Variants in GNA14 observed in about 807,000 individuals in gnomAD.
GNA14 encodes G protein subunit alpha 14, also known as guanine nucleotide-binding protein subunit alpha-14.
In GNA14, 50 loss-of-function variants were observed where a neutral mutation model predicts 42.0. The ratio of observed to expected loss-of-function variants is 1.19; its 90% confidence interval spans 0.95 to 1.51. The LOEUF is 1.51. Ranked by LOEUF, GNA14 falls within the 40% of genes most tolerant of loss-of-function variation. The pLI is 0.00. For synonymous variants in GNA14, 173 were observed against 163.1 expected, an observed-to-expected ratio of 1.06 and a Z score of -0.46; for missense variants, 473 against 446.2, an observed-to-expected ratio of 1.06 and a Z score of -0.54.
intron 1 of GNA14, among the ~76,000 whole-genome samples, chr9:77,579,873 AT>A (rs1368112243): frequency 6.6e-6 from 1 of 152,114 alleles, no homozygotes; most frequent in African/African-American, 2.4e-5. Flanking sequence ...TTGCTAGTTG[AT>A]TCATTTCTAT....
chr9:77,425,815 G>A (rs944198964), intron 5 of GNA14, 100 bp from the exon 6 acceptor site: 32 of 894,338 alleles, frequency 3.6e-5, no homozygotes, highest in East Asian at 2.6e-4. Flanking sequence ...TTGCCCCGCC[G>A]CAGTCTCTGG....
intron 1 of GNA14, among the ~76,000 whole-genome samples, chr9:77,547,081 A>G (rs1046115424): frequency 2.0e-5 from 3 of 152,216 alleles, no homozygotes; most frequent in Non-Finnish European, 4.4e-5. Flanking sequence ...TACAACCTCT[A>G]TCTTAAAAAA....
At chr9:77,536,760 T>G (rs1837603987) in intron 1 of GNA14, among the ~76,000 whole-genome samples, 1 of 152,244 alleles carries the variant, frequency 6.6e-6, no homozygotes, top group South Asian at 2.1e-4. Flanking sequence ...GGTCTCATTT[T>G]GATAAAGAAT....
intron 4 of GNA14, among the ~76,000 whole-genome samples, chr9:77,430,249 GA>G (rs1241668578): frequency 1.3e-5 from 2 of 152,178 alleles, no homozygotes; most frequent in Non-Finnish European, 2.9e-5. Flanking sequence ...GAGGTGCTCT[GA>G]GTTGTAAAGT....
intron 1 of GNA14, among the ~76,000 whole-genome samples, chr9:77,602,399 C>A (rs1482209787): frequency 2.0e-5 from 3 of 152,178 alleles, no homozygotes; most frequent in African/African-American, 7.2e-5. Flanking sequence ...ATGCAACTAC[C>A]AATGGGTTTC....
chr9:77,529,045 G>A lies in GNA14; in HGVS notation c.309+24C>T. 1.9e-6 allele frequency: 3 copies of A among 1,605,228 alleles called. No individual in the cohort carries two copies. The East Asian group carries it at 6.7e-5, about 36-fold the overall frequency. On this transcript the variant is annotated intron_variant, in intron 2 of 6. Coordinates refer to ENST00000341700, the MANE Select transcript of GNA14 (RefSeq NM_004297.4). ...GGGCAGGCATACATTCACAAATAGG[G>A]CAAGCACTCCCTAAGCACGTTACCT...
At chr9:77,550,805 C>A (rs1837778134) in intron 1 of GNA14, among the ~76,000 whole-genome samples, 1 of 152,160 alleles carries the variant, frequency 6.6e-6, no homozygotes, top group African/African-American at 2.4e-5. Flanking sequence ...TCCACAGGGG[C>A]AACAAAATTA....
At chr9:77,568,240 C>T (rs1034959246) in intron 1 of GNA14, among the ~76,000 whole-genome samples, 1 of 152,190 alleles carries the variant, frequency 6.6e-6, no homozygotes, top group East Asian at 1.9e-4. Context: ...CACTTGAGGT[C>T]AGGAGTTCAA....
At chr9:77,529,010 T>C in intron 2 of GNA14, 59 bp downstream of exon 2, 2 of 1,419,186 alleles carry the variant, frequency 1.4e-6, no homozygotes, top group Non-Finnish European at 1.0e-6. Flanking sequence ...ATCTTTGTGC[T>C]AACCAGAGTG....
At chr9:77,641,153 GAA>G (rs1824260877) in intron 1 of GNA14, among the ~76,000 whole-genome samples, 1 of 135,262 alleles carries the variant, frequency 7.4e-6, no homozygotes, top group East Asian at 2.5e-4. Flanking sequence ...AGGAAGGAAG[GAA>G]GGAAGGAAGG....
chr9:77,506,684 A>G (rs1178753878), intron 2 of GNA14, among the ~76,000 whole-genome samples: 1 of 152,156 alleles, frequency 6.6e-6, no homozygotes, highest in Non-Finnish European at 1.5e-5. Context: ...TCGAAAAAAA[A>G]AAATTTCATG....
rs200014944 is a variant in GNA14, at chr9:77,567,403, CTAACTT to C, written c.125-38156_125-38151del. Among the ~76,000 whole-genome samples, 58 of 152,238 alleles carry C rather than the reference CTAACTT, an allele frequency of 3.8e-4. 1 individual carries two copies. The East Asian group carries it at 9.6e-3, about 25-fold the overall frequency. On this transcript the variant is annotated intron_variant, in intron 1 of 6. Transcript: ENST00000341700. The stretch of plus-strand genomic sequence containing the variant: ...TCTGCTGTGAACTTCCAATAAAGAA[CTAACTT>C]TAACTATCATCCTGGAGTGAATTTG...
intron 2 of GNA14, among the ~76,000 whole-genome samples, chr9:77,493,257 G>A (rs1159076902): frequency 6.6e-6 from 1 of 151,582 alleles, no homozygotes; most frequent in African/African-American, 2.4e-5. Context: ...CCTTTTTTGT[G>A]CCTCCTTAGT....
chr9:77,634,775 G>A (rs1824155177), intron 1 of GNA14, among the ~76,000 whole-genome samples: 1 of 152,098 alleles, frequency 6.6e-6, no homozygotes, highest in African/African-American at 2.4e-5. Context: ...CTACTCAGCT[G>A]GTATTTCATG....
chr9:77,505,207 A>G (rs1161453801), intron 2 of GNA14, among the ~76,000 whole-genome samples: 1 of 152,218 alleles, frequency 6.6e-6, no homozygotes, highest in African/African-American at 2.4e-5. Flanking sequence ...AATAATATAT[A>G]TTTATAATAC....
At chr9:77,502,416 C>T (rs968843260) in intron 2 of GNA14, among the ~76,000 whole-genome samples, 1 of 152,166 alleles carries the variant, frequency 6.6e-6, no homozygotes, top group African/African-American at 2.4e-5. Flanking sequence ...TGACCCTGCT[C>T]TGGCAGGGGA....
intron 1 of GNA14, among the ~76,000 whole-genome samples, chr9:77,574,684 T>C (rs549943446): frequency 6.6e-6 from 1 of 152,332 alleles, no homozygotes; most frequent in Non-Finnish European, 1.5e-5. Context: ...AGCCATCACA[T>C]CAGGCAAGCT....
chr9:77,588,997 GT>G (rs1377029255), intron 1 of GNA14, among the ~76,000 whole-genome samples: 3 of 152,140 alleles, frequency 2.0e-5, no homozygotes, highest in African/African-American at 7.2e-5. Flanking sequence ...AGAACTGTTT[GT>G]TTGCTTTAGA....
chr9:77,541,769 A>G (rs899056799), intron 1 of GNA14, among the ~76,000 whole-genome samples: 3 of 152,050 alleles, frequency 2.0e-5, no homozygotes, highest in Non-Finnish European at 4.4e-5. Context: ...ATTTGATTAC[A>G]TTAAAAGATC....
Sources: allele counts gnomAD v4.1 joint callset (sites outside exome capture counted in the v4.1 genomes callset), GRCh38; gene constraint gnomAD v4.1.1; transcripts MANE v1.5; gene names NCBI Gene and HGNC (gene_info 2026-07-23, HGNC 2026-07-21).